Variants in PP2D1 observed in about 807,000 individuals in gnomAD.
PP2D1 encodes the protein protein phosphatase 2C like domain containing 1.
In PP2D1, 25 loss-of-function variants were observed where a neutral mutation model predicts 30.2. That is an observed-to-expected ratio of 0.83 (90% CI 0.60 to 1.16). PP2D1 has a LOEUF of 1.16. Ranked by LOEUF, PP2D1 falls within the 50% of genes most tolerant of loss-of-function variation. PP2D1 has a pLI of 0.00. For missense variants in PP2D1, 760 were observed against 742.4 expected (o/e 1.02, Z -0.28); for synonymous variants, 260 against 258.9 (o/e 1.00, Z -0.04).
At chr3:19,984,716 A>T (rs1368376829), downstream of PP2D1, 1 of 154,508 alleles carries the variant, frequency 6.5e-6, no homozygotes, top group Non-Finnish European at 1.4e-5. Flanking sequence ...TGTACTGTAA[A>T]TAGGGTACTG....
At chr3:19,997,778 A>T (rs1697200207) in intron 2 of PP2D1, among the ~76,000 whole-genome samples, 1 of 152,188 alleles carries the variant, frequency 6.6e-6, no homozygotes, top group African/African-American at 2.4e-5. Flanking sequence ...CAAACATTAC[A>T]TGTTCTCTCT....
At chr3:20,008,755 C>T (rs1697352943) in intron 1 of PP2D1, among the ~76,000 whole-genome samples, 2 of 151,704 alleles carry the variant, frequency 1.3e-5, no homozygotes, top group South Asian at 4.2e-4. Flanking sequence ...GTCTCTTAAA[C>T]AAAAAAAATT....
intron 1 of PP2D1, among the ~76,000 whole-genome samples, chr3:20,009,930 C>T (rs1170623511): frequency 1.3e-5 from 2 of 152,058 alleles, no homozygotes; most frequent in African/African-American, 4.8e-5. Flanking sequence ...TTTGGGAAGC[C>T]TTCATGGCTT....
intron 1 of PP2D1, among the ~76,000 whole-genome samples, chr3:20,010,662 G>T (rs752920566): frequency 2.6e-5 from 4 of 151,914 alleles, no homozygotes; most frequent in Non-Finnish European, 5.9e-5. Flanking sequence ...AATTAGCCGG[G>T]CATGGTGGTG....
Position 19,986,065 on chromosome 3 carries a change from G to C in PP2D1, c.1208C>G (p.Ser403Ter), listed in dbSNP as rs1697028963. The change falls in exon 3 of 3, where the codon TCA becomes TGA. Residue 403 changes from serine to a stop codon, truncating the protein, a stop_gained. Coordinates refer to ENST00000389050, the MANE Select transcript of PP2D1 (RefSeq NM_001252657.2). LOFTEE classifies it low-confidence loss of function (END_TRUNC). ...RILQNGAVISSNEPYGLVEGQ... is the reference protein window; with the variant it reads ...RILQNGAVIS ...CTCTACAAGCCCGTATGGTTCATTT[G>C]AACTAATGACTGCTCCATTCTGAAG... 2 of 1,535,986 alleles carry C rather than the reference G, an allele frequency of 1.3e-6. No homozygotes were observed. The highest frequency in any genetic ancestry group is 1.7e-6 in the Non-Finnish European group (2 of 1,146,822).
At chr3:20,002,450 T>C (rs538095691) in intron 1 of PP2D1, among the ~76,000 whole-genome samples, 1 of 152,332 alleles carries the variant, frequency 6.6e-6, no homozygotes, top group African/African-American at 2.4e-5. Flanking sequence ...TAATGATGTT[T>C]CAGGCAATGA....
At chr3:19,983,319 C>T (rs1184539545), downstream of PP2D1, among the ~76,000 whole-genome samples, 10 of 129,160 alleles carry the variant, frequency 7.7e-5, no homozygotes, top group Admixed American at 8.3e-4. Context: ...CTAGGTGAGC[C>T]TGGGTGACAG....
rs1697396761 is a variant in PP2D1, at chr3:20,012,183, C to G, written c.-111G>C. ...GTGGAGGTAGAGGTGAATGTGATGG[C>G]TGTGGCAGAAGTAGTGGTGATGGTG... On this transcript the variant is annotated 5_prime_UTR_variant, in exon 1 of 3. Transcript: ENST00000389050. 3.4e-6 allele frequency: 3 copies of G among 886,906 alleles called. No individual in the cohort carries two copies. The highest frequency in any genetic ancestry group is 5.2e-6 in the Non-Finnish European group (3 of 578,488). 54.9% of individuals were successfully genotyped at this position (886,906 alleles called of 1,614,324 possible).
chr3:19,981,845 A>C (rs183934535), downstream of PP2D1, among the ~76,000 whole-genome samples: 859 of 152,262 alleles, frequency 5.6e-3, 2 homozygotes, highest in Admixed American at 0.012. Context: ...ATCGGACTCA[A>C]ATAAAATTAA....
Position 19,986,149 on chromosome 3 carries a change from T to A in PP2D1, c.1124A>T (p.Lys375Ile). The change falls in exon 3 of 3, where the codon AAA becomes ATA. Residue 375 changes from lysine to isoleucine, a missense_variant. Lys to Ile is a moderately radical substitution (Grantham distance 102, BLOSUM62 -3). Around this residue, in one of 3 missense-constraint regions of PP2D1, gnomAD observed 369 missense variants for 316.2 expected, o/e 1.17. Transcript: ENST00000389050. Reference sequence around the variant, plus strand: ...ATGTTCTTTGGTTAGGCAAAAACCTTTCCCATTTCTGCATAAGACTGCTTG... The same window carrying A: ...ATGTTCTTTGGTTAGGCAAAAACCTATCCCATTTCTGCATAAGACTGCTTG... The part of the protein sequence containing the change: ...NVQAVLCRNG[K>I]GFCLTKEHTT... 1 of 1,520,386 alleles carries A rather than the reference T, an allele frequency of 6.6e-7. No homozygotes were observed. 94.2% of individuals were successfully genotyped at this position (1,520,386 alleles called of 1,614,324 possible).
intron 1 of PP2D1, among the ~76,000 whole-genome samples, chr3:20,008,638 G>A (rs1017659215): frequency 3.9e-5 from 6 of 152,066 alleles, no homozygotes; most frequent in African/African-American, 9.7e-5. Flanking sequence ...TGTAATCTCA[G>A]CTACTCAGGA....
At chr3:20,006,109 G>C (rs111857386) in intron 1 of PP2D1, among the ~76,000 whole-genome samples, 2 of 151,828 alleles carry the variant, frequency 1.3e-5, no homozygotes, top group African/African-American at 4.8e-5. Flanking sequence ...TTAGATGGGC[G>C]TGATGGCACA....
chr3:19,989,096 G>C (rs1697081823), intron 2 of PP2D1, among the ~76,000 whole-genome samples: 1 of 152,202 alleles, frequency 6.6e-6, no homozygotes, highest in Non-Finnish European at 1.5e-5. Flanking sequence ...CACTCTGGGA[G>C]GCTGAGGCAG....
chr3:19,990,881 G>T (rs569615362), intron 2 of PP2D1, among the ~76,000 whole-genome samples: 1 of 151,948 alleles, frequency 6.6e-6, no homozygotes, highest in African/African-American at 2.4e-5. Context: ...GTCTGGAGAA[G>T]TGGAGAGGAA....
At chr3:19,994,991 T>C (rs1697159338) in intron 2 of PP2D1, among the ~76,000 whole-genome samples, 2 of 152,184 alleles carry the variant, frequency 1.3e-5, no homozygotes, top group Non-Finnish European at 2.9e-5. Context: ...AGATATTAAT[T>C]CGTGAATCAT....
At chr3:20,009,239 G>T (rs919640948) in intron 1 of PP2D1, among the ~76,000 whole-genome samples, 2 of 152,216 alleles carry the variant, frequency 1.3e-5, no homozygotes, top group South Asian at 2.1e-4. Context: ...AGGTAAGAGG[G>T]CTGCTTGAGG....
At chr3:19,991,043 A>G (rs1559496991) in intron 2 of PP2D1, among the ~76,000 whole-genome samples, 2 of 152,250 alleles carry the variant, frequency 1.3e-5, no homozygotes, top group South Asian at 2.1e-4. Context: ...ATGAATTCCT[A>G]GACAAAGGTA....
intron 2 of PP2D1, among the ~76,000 whole-genome samples, chr3:19,996,218 G>C (rs1697178489): frequency 6.6e-6 from 1 of 151,682 alleles, no homozygotes; most frequent in Non-Finnish European, 1.5e-5. Context: ...AAAAAAGAGA[G>C]AAAATCCCAA....
At chr3:19,981,047 A>C (rs1217911436), downstream of PP2D1, among the ~76,000 whole-genome samples, 1 of 152,234 alleles carries the variant, frequency 6.6e-6, no homozygotes, top group African/African-American at 2.4e-5. Context: ...GTCTTACCAT[A>C]GTGGTCTGTC....
Sources: allele counts gnomAD v4.1 joint callset (sites outside exome capture counted in the v4.1 genomes callset), GRCh38; gene constraint gnomAD v4.1.1; regional missense constraint gnomAD v4.1.1; transcripts MANE v1.5; gene names NCBI Gene and HGNC (gene_info 2026-07-23, HGNC 2026-07-21).